ACLY: variants seen among roughly 807,000 people sequenced by gnomAD.
The protein encoded by ACLY is ATP citrate lyase, also known as ATP-citrate synthase.
ACLY carries 41 observed loss-of-function variants against 133.0 expected under a neutral mutation model. That is an observed-to-expected ratio of 0.31 (90% CI 0.24 to 0.40). The LOEUF (loss-of-function observed/expected upper bound fraction) is 0.40, where lower values mean the gene tolerates loss of function less well. Ranked by LOEUF, ACLY falls within the 10% of genes least tolerant of loss-of-function variation. The pLI, the probability that ACLY is intolerant of heterozygous loss-of-function variation, is 1.00. For missense variants in ACLY, 1,046 were observed against 1,453.8 expected, an observed-to-expected ratio of 0.72 and a Z score of 4.56; for synonymous variants, 495 against 549.3, an observed-to-expected ratio of 0.90 and a Z score of 1.38.
chr17:41,880,687 C>T (rs2048889131), intron 20 of ACLY, among the ~76,000 whole-genome samples: 1 of 151,736 alleles, frequency 6.6e-6, no homozygotes, highest in Non-Finnish European at 1.5e-5. Context: ...ACGGTGAAAC[C>T]CCATCTCTAC....
At chr17:41,928,824 G>T (rs1316089014) in intron 1 of ACLY, among the ~76,000 whole-genome samples, 1 of 145,054 alleles carries the variant, frequency 6.9e-6, no homozygotes, top group Non-Finnish European at 1.5e-5. Flanking sequence ...CTGCACTCCA[G>T]CCTGAGTGAC....
intron 22 of ACLY, among the ~76,000 whole-genome samples, chr17:41,876,363 C>T (rs1400195358): frequency 6.6e-6 from 1 of 151,844 alleles, no homozygotes; most frequent in Non-Finnish European, 1.5e-5. Context: ...GCCGCCCCTA[C>T]TGGGAAGTGA....
At chr17:41,909,159 C>T (rs1267978088) in intron 5 of ACLY, 91 bp from the exon 6 acceptor site, 2 of 975,042 alleles carry the variant, frequency 2.1e-6, no homozygotes, top group East Asian at 5.0e-5. Context: ...TCACTGCCAC[C>T]GACAGCTCCA....
At chr17:41,892,159 G>T in intron 16 of ACLY, 120 bp downstream of exon 16, 1 of 983,666 alleles carries the variant, frequency 1.0e-6, no homozygotes, top group Non-Finnish European at 1.5e-6. Context: ...AGGCAGCAGT[G>T]ACGGGACATC....
At chr17:41,905,274 C>G (rs782392062) in intron 9 of ACLY, among the ~76,000 whole-genome samples, 1 of 152,206 alleles carries the variant, frequency 6.6e-6, no homozygotes. Context: ...GCCACCTCCT[C>G]CCCTGCACTT....
At chr17:41,917,783 T>C (rs902517964) in intron 1 of ACLY, among the ~76,000 whole-genome samples, 2 of 152,008 alleles carry the variant, frequency 1.3e-5, no homozygotes, top group Non-Finnish European at 2.9e-5. Context: ...AGCTGTCCAG[T>C]GTCTGAGGGG....
intron 1 of ACLY, among the ~76,000 whole-genome samples, chr17:41,917,583 T>C (rs542610274): frequency 1.3e-5 from 2 of 152,126 alleles, no homozygotes; most frequent in South Asian, 2.1e-4. Flanking sequence ...CTACTAAGGG[T>C]GCCTCTGGGA....
chr17:41,908,640 T>C (rs782200419), intron 6 of ACLY, among the ~76,000 whole-genome samples: 4 of 152,218 alleles, frequency 2.6e-5, no homozygotes, highest in Non-Finnish European at 4.4e-5. Flanking sequence ...GGCGGGCACC[T>C]GTAATCCCAG....
intron 11 of ACLY, among the ~76,000 whole-genome samples, chr17:41,901,316 T>G (rs1032718247): frequency 6.6e-6 from 1 of 152,046 alleles, no homozygotes; most frequent in African/African-American, 2.4e-5. Flanking sequence ...CCCACATGCA[T>G]TCTCCCTTTC....
intron 4 of ACLY, 102 bp downstream of exon 4, chr17:41,910,118 CCT>C: frequency 8.5e-7 from 1 of 1,174,310 alleles, no homozygotes; most frequent in South Asian, 1.4e-5. Flanking sequence ...GACCCTGGTC[CCT>C]CTGACTGTCC....
At chr17:41,911,273 T>C (rs1555633602) in intron 3 of ACLY, among the ~76,000 whole-genome samples, 1 of 152,206 alleles carries the variant, frequency 6.6e-6, no homozygotes, top group African/African-American at 2.4e-5. Flanking sequence ...AGCTCATCCC[T>C]GGTACAGTTT....
At chr17:41,925,850 C>T (rs1486339077) in intron 1 of ACLY, among the ~76,000 whole-genome samples, 6 of 145,486 alleles carry the variant, frequency 4.1e-5, no homozygotes, top group African/African-American at 1.5e-4. Context: ...CATAGGTGTA[C>T]TTTTTTTTTT....
At chr17:41,899,548 T>C (rs868921472) in intron 11 of ACLY, among the ~76,000 whole-genome samples, 3 of 152,228 alleles carry the variant, frequency 2.0e-5, no homozygotes, top group South Asian at 4.1e-4. Flanking sequence ...ACCCAAGCAC[T>C]ACCTCCTGAG....
chr17:41,913,925 G>T (rs1555634112), intron 1 of ACLY, 29 bp from the exon 2 acceptor site: 8 of 1,609,130 alleles, frequency 5.0e-6, no homozygotes, highest in Admixed American at 1.7e-5. Flanking sequence ...CTGGTCAGAA[G>T]GGGGCAGGCG....
intron 10 of ACLY, among the ~76,000 whole-genome samples, 200 bp from the exon 11 acceptor site, chr17:41,902,013 C>T (rs540715314): frequency 2.4e-4 from 36 of 152,320 alleles, no homozygotes; most frequent in African/African-American, 8.7e-4. Flanking sequence ...CCGGGATTGA[C>T]ATCCCTTAAT....
At chr17:41,909,391 G>T (rs2144395008) in intron 5 of ACLY, 119 bp downstream of exon 5, 5 of 1,113,592 alleles carry the variant, frequency 4.5e-6, no homozygotes, top group Middle Eastern at 2.2e-4. Flanking sequence ...CTCAGGACAG[G>T]GCCGTGTCTA....
chr17:41,925,099 G>A (rs1254158159), intron 1 of ACLY, among the ~76,000 whole-genome samples: 1 of 151,550 alleles, frequency 6.6e-6, no homozygotes, highest in African/African-American at 2.4e-5. Context: ...GAAGTGGCGC[G>A]ATCTCCGCTC....
intron 16 of ACLY, among the ~76,000 whole-genome samples, chr17:41,889,189 G>T (rs2049134306): frequency 6.6e-6 from 1 of 152,018 alleles, no homozygotes; most frequent in African/African-American, 2.4e-5. Context: ...GCTAGGTTTT[G>T]CCTTGGGCCA....
chr17:41,897,743 A>G lies in ACLY; in HGVS notation c.1429+6T>C, dbSNP rs2144337334. On this transcript the variant is annotated splice_donor_region_variant and intron_variant, in intron 13 of 28. Transcript: ENST00000352035. ...CTGCAACATGCCTGAAGCCTCAGGGAGTTACCTTGTGGCATGGCAGGCTTG... is the reference window on the plus strand; with the variant it reads ...CTGCAACATGCCTGAAGCCTCAGGGGGTTACCTTGTGGCATGGCAGGCTTG... The G allele has an allele frequency of 6.2e-7, 1 of 1,612,870 alleles. No homozygotes were observed. The highest frequency in any genetic ancestry group is 1.3e-5 in the African/African-American group (1 of 75,008).
Sources: allele counts gnomAD v4.1 joint callset (sites outside exome capture counted in the v4.1 genomes callset), GRCh38; gene constraint gnomAD v4.1.1; transcripts MANE v1.5; gene names NCBI Gene and HGNC (gene_info 2026-07-23, HGNC 2026-07-21).